Variants in EVC observed in about 807,000 individuals in gnomAD.
The protein encoded by EVC is evC complex member EVC.
EVC carries 116 observed loss-of-function variants against 118.9 expected under a neutral mutation model. The observed-to-expected ratio is 0.98, with a 90% CI of 0.84 to 1.14. The LOEUF (loss-of-function observed/expected upper bound fraction) is 1.14. Ranked by LOEUF, EVC falls within the 50% of genes most tolerant of loss-of-function variation. EVC has a pLI of 0.00. For missense variants in EVC, 1,401 were observed against 1,246.4 expected (o/e 1.12, Z -1.87); for synonymous variants, 619 against 534.7 (o/e 1.16, Z -2.18).
At chr4:5,821,705 A>T in the EVC span, 39 of 1,493,118 alleles carry the variant, frequency 2.6e-5, no homozygotes, top group Non-Finnish European at 3.3e-5. The surrounding 1 kb of genome is among the most constrained non-coding windows in gnomAD (Gnocchi z 4.4). Context: ...TGACAGGAAA[A>T]GGGATGGACA....
intron 13 of EVC, among the ~76,000 whole-genome samples, chr4:5,794,966 A>T (rs535125743): frequency 6.6e-6 from 1 of 152,182 alleles, no homozygotes; most frequent in Non-Finnish European, 1.5e-5. Context: ...GCTCCCACCT[A>T]TAAGTGAGAA....
chr4:5,726,728 C>A (rs1318158540), intron 2 of EVC, among the ~76,000 whole-genome samples: 2 of 123,078 alleles, frequency 1.6e-5, no homozygotes, highest in Non-Finnish European at 3.3e-5. Context: ...CCCCTCCCCC[C>A]ACCCGACAAC....
At position 5,753,868 on chromosome 4, in the gene EVC, G is replaced by A. The variant is rs763393820; in HGVS notation, c.1399G>A (p.Glu467Lys). The A allele has an allele frequency of 1.2e-6, 2 of 1,614,066 alleles. No individual in the cohort carries two copies. The highest frequency in any genetic ancestry group is 1.7e-6 in the Non-Finnish European group (2 of 1,180,048). ...AACGGCAAAACTCACGCTGGCCCAA[G>A]AGGAGGAACAGAGAAGCTTCCTGGC... Reference protein sequence around the residue: ...EGTAKLTLAQEEEQRSFLAEA... With the variant: ...EGTAKLTLAQKEEQRSFLAEA... Residue 467 changes from glutamate (E) to lysine (K), a missense_variant, in exon 10 of 21, where the codon GAG becomes AAG. Glu to Lys is a moderately conservative substitution (Grantham distance 56, BLOSUM62 1). Coordinates refer to ENST00000264956, the MANE Select transcript of EVC (RefSeq NM_153717.3).
chr4:5,811,102 C>G lies in EVC; in HGVS notation c.*65C>G. ...TCTGGGTGTGAATTCCACCTTCCCT[C>G]CTGCAGTGCTGAGAGGCAGCGAGGA... On this transcript the variant is annotated 3_prime_UTR_variant, in exon 21 of 21. Coordinates refer to ENST00000264956, the MANE Select transcript of EVC (RefSeq NM_153717.3). The G allele has an allele frequency of 7.5e-7, 1 of 1,332,362 alleles. No homozygotes were observed. The highest frequency in any genetic ancestry group is 1.1e-6 in the Non-Finnish European group (1 of 940,830). The allele number at this position is 1,332,362 out of a possible 1,614,324, so 82.5% of individuals were successfully genotyped here.
chr4:5,810,102 G>C (rs1716645102), intron 19 of EVC, among the ~76,000 whole-genome samples: 1 of 152,188 alleles, frequency 6.6e-6, no homozygotes, highest in South Asian at 2.1e-4. Context: ...CTAGCAGACT[G>C]GAGCTCAAGC....
intron 1 of EVC, among the ~76,000 whole-genome samples, chr4:5,714,288 T>A (rs1468635020): frequency 2.0e-5 from 3 of 152,238 alleles, no homozygotes; most frequent in Non-Finnish European, 2.9e-5. Context: ...TTTGTTTTAT[T>A]TTGTTATTTT....
chr4:5,780,465 AATG>A (rs1396647899), intron 11 of EVC, among the ~76,000 whole-genome samples: 2 of 152,076 alleles, frequency 1.3e-5, no homozygotes, highest in African/African-American at 2.4e-5. Flanking sequence ...TCATTTGTAA[AATG>A]ATAATAATTA....
intron 11 of EVC, among the ~76,000 whole-genome samples, chr4:5,776,524 C>A (rs1323748325): frequency 6.6e-6 from 1 of 152,182 alleles, no homozygotes; most frequent in African/African-American, 2.4e-5. Flanking sequence ...GAGGAAGCCT[C>A]AGTTTCCTCA....
At position 5,780,196 on chromosome 4, in the gene EVC, C is replaced by T. The variant is rs182444148; in HGVS notation, c.1564-3356C>T. Among the ~76,000 whole-genome samples the T allele has an allele frequency of 6.1e-3, 930 of 152,150 alleles. 9 individuals are homozygous for T. The highest frequency in any genetic ancestry group is 0.01 in the Non-Finnish European group (714 of 68,006). ...CTTGCATCCCAGGCATGAAGCAAAC[C>T]GAATCCAGCAGCACATCAAAAAGCT... On this transcript the variant is annotated intron_variant, in intron 11 of 20. Coordinates refer to ENST00000264956, the MANE Select transcript of EVC (RefSeq NM_153717.3).
intron 11 of EVC, among the ~76,000 whole-genome samples, chr4:5,777,839 G>GTTA (rs1007197615): frequency 5.3e-4 from 81 of 151,822 alleles, no homozygotes; most frequent in African/African-American, 1.9e-3. Flanking sequence ...GAAATTTTTT[G>GTTA]TTGTTGTTGT....
chr4:5,764,165 G>T (rs1732498131), intron 11 of EVC, among the ~76,000 whole-genome samples: 2 of 140,964 alleles, frequency 1.4e-5, no homozygotes, highest in African/African-American at 5.4e-5. Flanking sequence ...ATAATCATGT[G>T]GTTTTTGTCT....
intron 11 of EVC, among the ~76,000 whole-genome samples, chr4:5,760,031 A>G (rs1279299969): frequency 6.6e-6 from 1 of 152,096 alleles, no homozygotes; most frequent in East Asian, 1.9e-4. Flanking sequence ...GGCAAGAGAT[A>G]AACAGTTGCA....
intron 17 of EVC, among the ~76,000 whole-genome samples, chr4:5,806,410 A>G (rs1715922049): frequency 6.6e-6 from 1 of 151,906 alleles, no homozygotes; most frequent in Non-Finnish European, 1.5e-5. Flanking sequence ...CCATGTGCAC[A>G]CATTATTGAG....
At chr4:5,735,589 G>T (rs1477452813) in intron 5 of EVC, among the ~76,000 whole-genome samples, 1 of 152,140 alleles carries the variant, frequency 6.6e-6, no homozygotes, top group Non-Finnish European at 1.5e-5. Context: ...TATTCTGCAC[G>T]TACACTCTGG....
At chr4:5,817,565 A>T (rs1717906976), downstream of EVC, among the ~76,000 whole-genome samples, 1 of 152,210 alleles carries the variant, frequency 6.6e-6, no homozygotes, top group African/African-American at 2.4e-5. Context: ...AAAAATAGAA[A>T]GTTCAACTTG....
chr4:5,820,503 C>T, the EVC span, among the ~76,000 whole-genome samples: 1 of 152,160 alleles, frequency 6.6e-6, no homozygotes, highest in Non-Finnish European at 1.5e-5. Flanking sequence ...GAAAGAGAGC[C>T]AGGAAAGGCC....
At chr4:5,776,382 T>C (rs1478717838) in intron 11 of EVC, among the ~76,000 whole-genome samples, 1 of 152,186 alleles carries the variant, frequency 6.6e-6, no homozygotes, top group African/African-American at 2.4e-5. Flanking sequence ...CGTTCATTTA[T>C]TCATTCATTC....
At position 5,793,693 on chromosome 4, in the gene EVC, G is replaced by A; in HGVS notation, c.1862G>A (p.Gly621Asp). The A allele has an allele frequency of 6.4e-7, 1 of 1,550,890 alleles. No homozygotes were observed. The highest frequency in any genetic ancestry group is 8.7e-7 in the Non-Finnish European group (1 of 1,147,422). The change falls in exon 13 of 21, where the codon GGC becomes GAC. Residue 621 changes from glycine (G) to aspartate (D), a missense_variant. Physicochemically the swap from Gly to Asp is moderately conservative, Grantham distance 94. Transcript: ENST00000264956. Reference sequence around the variant, plus strand: ...GAGGGCACCATCCGCGGCGTCTTGGGCCGACTGGGCGGCCTCACTGAAGAG... The same window carrying A: ...GAGGGCACCATCCGCGGCGTCTTGGACCGACTGGGCGGCCTCACTGAAGAG... ...DHEGTIRGVL[G>D]RLGGLTEEST...
intron 12 of EVC, among the ~76,000 whole-genome samples, chr4:5,792,874 G>T (rs553378358): frequency 6.6e-6 from 1 of 152,130 alleles, no homozygotes; most frequent in Non-Finnish European, 1.5e-5. Context: ...TAAGGGAGAC[G>T]TTTATAGAAT....
Sources: allele counts gnomAD v4.1 joint callset (sites outside exome capture counted in the v4.1 genomes callset), GRCh38; gene constraint gnomAD v4.1.1; non-coding constraint Gnocchi (gnomAD v3.1); transcripts MANE v1.5; gene names NCBI Gene and HGNC (gene_info 2026-07-23, HGNC 2026-07-21).